MTO1: variants seen among roughly 807,000 people sequenced by gnomAD.
MTO1 encodes the protein 5-taurinomethyluridine-[tRNA] synthase subunit MTO1, mitochondrial.
Under a neutral mutation model 71.6 loss-of-function variants are expected in MTO1, and 46 were observed. The observed-to-expected ratio is 0.64, with a 90% CI of 0.51 to 0.82. The LOEUF (loss-of-function observed/expected upper bound fraction) is 0.82, where lower values mean the gene tolerates loss of function less well. MTO1 is among the 40% of genes least tolerant of loss of function. The pLI is 0.00. For missense variants in MTO1, 773 were observed against 867.5 expected, an observed-to-expected ratio of 0.89 and a Z score of 1.37; for synonymous variants, 297 against 312.1, an observed-to-expected ratio of 0.95 and a Z score of 0.51.
intron 10 of MTO1, among the ~76,000 whole-genome samples, chr6:73,495,912 A>AT (rs1771600725): frequency 6.6e-6 from 1 of 152,164 alleles, no homozygotes; most frequent in African/African-American, 2.4e-5. Context: ...TGAAGGGCAG[A>AT]TATTAGCATT....
At chr6:73,472,518 A>T (rs560111218) in intron 3 of MTO1, among the ~76,000 whole-genome samples, 1 of 152,298 alleles carries the variant, frequency 6.6e-6, no homozygotes, top group Non-Finnish European at 1.5e-5. Context: ...ATTGAGATTG[A>T]TAACATATTA....
chr6:73,488,911 C>T (rs372292754), intron 9 of MTO1, among the ~76,000 whole-genome samples: 1 of 152,062 alleles, frequency 6.6e-6, no homozygotes, highest in Non-Finnish European at 1.5e-5. Flanking sequence ...AGCAAGACTC[C>T]GTCTAAAAAA....
intron 1 of MTO1, 47 bp from the exon 2 acceptor site, chr6:73,466,162 G>A (rs2150027133): frequency 1.3e-6 from 2 of 1,494,364 alleles, no homozygotes; most frequent in South Asian, 1.1e-5. Flanking sequence ...TAGTCACTAT[G>A]TGCAAGGTGC....
intron 1 of MTO1, among the ~76,000 whole-genome samples, chr6:73,464,450 G>A (rs376827630): frequency 2.0e-5 from 3 of 151,978 alleles, no homozygotes; most frequent in Non-Finnish European, 2.9e-5. Flanking sequence ...CATAATCACA[G>A]TGCTATCCAG....
chr6:73,466,946 TTATA>T (rs199668630), intron 3 of MTO1, among the ~76,000 whole-genome samples: 5,134 of 152,230 alleles, frequency 0.034, 296 homozygotes, highest in Admixed American at 0.15. Flanking sequence ...TTTTAACAGC[TTATA>T]TATATTTTTA....
Position 73,502,001 on chromosome 6 carries a change from T to C in MTO1, c.*1266T>C, listed in dbSNP as rs1159056265. 1 of 152,190 alleles carries C rather than the reference T, an allele frequency of 6.6e-6. No individual in the cohort carries two copies. The highest frequency in any genetic ancestry group is 6.5e-5 in the Admixed American group (1 of 15,268). 9.4% of individuals were successfully genotyped at this position (152,190 alleles called of 1,614,324 possible). On this transcript the variant is annotated 3_prime_UTR_variant, in exon 12 of 12. Transcript: ENST00000498286. ...TAAGATTAGTAGCAAGTAAAAAGTATTTGTAGTGCTGGATAATTTAGGAAT... is the reference window on the plus strand; with the variant it reads ...TAAGATTAGTAGCAAGTAAAAAGTACTTGTAGTGCTGGATAATTTAGGAAT...
chr6:73,494,968 A>G (rs1771944546), intron 10 of MTO1, among the ~76,000 whole-genome samples: 1 of 151,102 alleles, frequency 6.6e-6, no homozygotes. Flanking sequence ...TTTTTAGTAG[A>G]GACAGTGTTT....
chr6:73,470,596 T>C (rs1771131059), intron 3 of MTO1, among the ~76,000 whole-genome samples: 1 of 152,246 alleles, frequency 6.6e-6, no homozygotes, highest in African/African-American at 2.4e-5. Context: ...AAATACATAC[T>C]TAGGGCCAAC....
In MTO1 at chr6:73,494,407, A is replaced by G. The variant is rs558714367; in HGVS notation, c.1756+2055A>G. On this transcript the variant is annotated intron_variant, in intron 10 of 11. Transcript: ENST00000498286. ...TGTGCTGTTCAAACAGGAAAAGACT[A>G]TGCTCTTTGGGAACCAGCCAGAATG... 5.9e-5 allele frequency among the ~76,000 whole-genome samples: 9 copies of G among 151,990 alleles called. No homozygotes were observed. The East Asian group carries it at 1.5e-3, about 26-fold the overall frequency.
rs1000318809 is a variant in MTO1, at chr6:73,507,448, A to C, written c.*6713A>C. ...AACCCCAACAGGTTAGGATCTGTGT[A>C]TTCCTCAGAGTAAGAATTTTTCTAA... On this transcript the variant is annotated 3_prime_UTR_variant, in exon 12 of 12. Transcript: ENST00000498286. The C allele has an allele frequency of 6.6e-6, 1 of 152,252 alleles. No homozygotes were observed. Among genetic ancestry groups the C allele is most frequent in the African/African-American group, 2.4e-5 (1 of 41,474 alleles). The allele number at this position is 152,252 out of a possible 1,614,324, so 9.4% of individuals were successfully genotyped here.
At chr6:73,491,886 A>G (rs1199425719) in intron 9 of MTO1, 2 of 186,980 alleles carry the variant, frequency 1.1e-5, no homozygotes, top group Admixed American at 5.5e-5. Context: ...GCAGATCACG[A>G]GGTCAGGAGT....
rs1437428944 is a variant in MTO1, at chr6:73,483,897, G to C, written c.1637+1277G>C. The stretch of plus-strand genomic sequence containing the variant: ...GGGTTCAAGCAATTCTCCTGCCTCA[G>C]CCTCCTGAGTAGCTAGGATTACAGG... On this transcript the variant is annotated intron_variant, in intron 9 of 11. Transcript: ENST00000498286. Among the ~76,000 whole-genome samples the C allele has an allele frequency of 3.3e-5, 5 of 150,800 alleles. No homozygotes were observed. The South Asian group carries it at 1.0e-3, about 32-fold the overall frequency.
At chr6:73,498,949 G>C (rs574856462) in intron 11 of MTO1, among the ~76,000 whole-genome samples, 1 of 151,866 alleles carries the variant, frequency 6.6e-6, no homozygotes, top group African/African-American at 2.4e-5. Context: ...GGATGGTCTC[G>C]ATCTCCTGAC....
chr6:73,479,588 C>G (rs924063967), intron 4 of MTO1, 144 bp from the exon 5 acceptor site: 1 of 548,348 alleles, frequency 1.8e-6, no homozygotes, highest in African/African-American at 2.0e-5. Flanking sequence ...TTATTTTTGG[C>G]AAGAATACTT....
chr6:73,492,348 A>G lies in MTO1; in HGVS notation c.1752A>G (p.Ile584Met), dbSNP rs1431206872. The stretch of plus-strand genomic sequence containing the variant: ...GAGAGCTGGCTGAAAGACTGAAAAT[A>G]GAAGGTAGAAAATAATTTTTGACTT... Reference protein sequence around the residue: ...KCRELAERLKIEATYESVLFH... With the variant: ...KCRELAERLKMEATYESVLFH... Residue 584 changes from isoleucine to methionine, a missense_variant, in exon 10 of 12, where the codon ATA (isoleucine) becomes ATG (methionine). Coordinates refer to ENST00000498286, the MANE Select transcript of MTO1 (RefSeq NM_012123.4). 1 of 1,595,524 alleles carries G rather than the reference A, an allele frequency of 6.3e-7. No individual in the cohort carries two copies.
intron 10 of MTO1, among the ~76,000 whole-genome samples, chr6:73,496,784 G>A (rs1402805940): frequency 6.6e-6 from 1 of 152,004 alleles, no homozygotes; most frequent in Non-Finnish European, 1.5e-5. Context: ...GCCGGGCATG[G>A]TGGCTCATGC....
intron 3 of MTO1, chr6:73,471,500 G>A (rs1169525434): frequency 1.1e-5 from 5 of 445,940 alleles, no homozygotes; most frequent in East Asian, 7.3e-5. Flanking sequence ...CTGTAGCCTC[G>A]ACCACCTGGA....
chr6:73,489,747 C>T (rs1171092093), intron 9 of MTO1, among the ~76,000 whole-genome samples: 1 of 152,010 alleles, frequency 6.6e-6, no homozygotes, highest in African/African-American at 2.4e-5. Context: ...AATAAACATA[C>T]GTGTGCATGT....
intron 11 of MTO1, 57 bp downstream of exon 11, chr6:73,497,953 AT>A: frequency 6.8e-7 from 1 of 1,479,490 alleles, no homozygotes; most frequent in African/African-American, 1.4e-5. Context: ...CAGTGCTTTA[AT>A]TTTTTAAACC....
Sources: allele counts gnomAD v4.1 joint callset (sites outside exome capture counted in the v4.1 genomes callset), GRCh38; gene constraint gnomAD v4.1.1; transcripts MANE v1.5; gene names NCBI Gene and HGNC (gene_info 2026-07-23, HGNC 2026-07-21).